The following TOGARAM1 variants were observed in gnomAD, a reference collection of about 807,000 sequenced individuals.
TOGARAM1 encodes the protein TOG array regulator of axonemal microtubules protein 1.
Under a neutral mutation model 166.6 loss-of-function variants are expected in TOGARAM1, and 100 were observed. That is an observed-to-expected ratio of 0.60 (90% CI 0.51 to 0.71). TOGARAM1 has a LOEUF of 0.71. TOGARAM1 is among the 30% of genes least tolerant of loss of function. TOGARAM1 has a pLI of 0.00. For synonymous variants in TOGARAM1, 758 were observed against 763.8 expected (o/e 0.99, Z 0.13); for missense variants, 2,029 against 2,102.7 (o/e 0.96, Z 0.69).
intron 5 of TOGARAM1, chr14:45,007,102 A>C (rs1879493222): frequency 1.3e-5 from 2 of 151,456 alleles, no homozygotes; most frequent in South Asian, 4.2e-4. Flanking sequence ...ATATAAATGC[A>C]AATACTTAAT....
At chr14:45,046,814 C>A in intron 14 of TOGARAM1, 111 bp downstream of exon 14, 1 of 916,426 alleles carries the variant, frequency 1.1e-6, no homozygotes, top group South Asian at 5.6e-5. Context: ...AAGTGGGGTC[C>A]CAGGGATTGG....
At chr14:44,969,172 C>CTTT (rs774045525) in intron 1 of TOGARAM1, among the ~76,000 whole-genome samples, 1 of 105,266 alleles carries the variant, frequency 9.5e-6, no homozygotes, top group Non-Finnish European at 2.0e-5. Context: ...TCTTTCTTTT[C>CTTT]TTTTTTTTTT....
intron 1 of TOGARAM1, among the ~76,000 whole-genome samples, chr14:44,994,897 G>A (rs1040595699): frequency 6.6e-6 from 1 of 152,112 alleles, no homozygotes; most frequent in Non-Finnish European, 1.5e-5. Flanking sequence ...ATACTGACAA[G>A]GTTTTTAGTT....
At chr14:45,023,786 G>A (rs1880666480) in intron 7 of TOGARAM1, among the ~76,000 whole-genome samples, 1 of 152,040 alleles carries the variant, frequency 6.6e-6, no homozygotes, top group African/African-American at 2.4e-5. Context: ...TGTCGCCCAG[G>A]CTGTAGTGCA....
At chr14:45,005,529 G>A (rs577976869) in intron 4 of TOGARAM1, among the ~76,000 whole-genome samples, 59 of 152,156 alleles carry the variant, frequency 3.9e-4, no homozygotes, top group Admixed American at 7.2e-4. Flanking sequence ...CGGGAGAATC[G>A]CTTGAACCCA....
At chr14:44,999,290 T>TATGAAATAAAATGTATTC (rs1887578508) in intron 2 of TOGARAM1, 73 bp from the exon 3 acceptor site, 6 of 1,416,222 alleles carry the variant, frequency 4.2e-6, no homozygotes, top group Non-Finnish European at 5.7e-6. Context: ...CACCAACATT[T>TATGAAATAAAATGTATTC]ATGAAATAAA....
chr14:45,024,932 T>TCC (rs1880740937), intron 7 of TOGARAM1, among the ~76,000 whole-genome samples: 1 of 152,204 alleles, frequency 6.6e-6, no homozygotes, highest in South Asian at 2.1e-4. Flanking sequence ...AATACATATT[T>TCC]CTCTTTTCTT....
Position 45,002,060 on chromosome 14 carries a change from A to G in TOGARAM1, c.2339-2001A>G, listed in dbSNP as rs186387496. 2.7e-3 allele frequency among the ~76,000 whole-genome samples: 418 copies of G among 152,336 alleles called. 4 individuals carry two copies. Among genetic ancestry groups the G allele is most frequent in the African/African-American group, 9.5e-3 (393 of 41,578 alleles). ...GATATACTTATTTATTTATGAAAAA[A>G]TAATGATTTGAAATTAGTAGAGAAG... On this transcript the variant is annotated intron_variant, in intron 3 of 19. Coordinates refer to ENST00000361462, the MANE Select transcript of TOGARAM1 (RefSeq NM_001308120.2).
intron 1 of TOGARAM1, among the ~76,000 whole-genome samples, chr14:44,971,024 T>G (rs1412104756): frequency 2.6e-5 from 4 of 152,272 alleles, no homozygotes; most frequent in African/African-American, 9.6e-5. Context: ...TTGTTTTTTT[T>G]CTTATAAGGT....
intron 1 of TOGARAM1, among the ~76,000 whole-genome samples, chr14:44,983,512 G>C (rs1005906770): frequency 1.5e-4 from 23 of 152,112 alleles, no homozygotes; most frequent in Non-Finnish European, 3.2e-4. Context: ...TAAGCTCCTA[G>C]GTATTGCTGA....
chr14:45,041,346 A>G (rs1881715799), intron 11 of TOGARAM1, among the ~76,000 whole-genome samples: 1 of 152,160 alleles, frequency 6.6e-6, no homozygotes, highest in Non-Finnish European at 1.5e-5. Context: ...GGTTGCAGTG[A>G]GCTGAGATCA....
Position 45,025,796 on chromosome 14 carries a change from T to C in TOGARAM1, c.3252T>C (p.Asn1084=), listed in dbSNP as rs1880803443. 2 of 1,604,808 alleles carry C rather than the reference T, an allele frequency of 1.2e-6. No homozygotes were observed. Among genetic ancestry groups the C allele is most frequent in the African/African-American group, 1.3e-5 (1 of 74,730 alleles). The stretch of plus-strand genomic sequence containing the variant: ...GGGGATTTACAGGGTCATCATCAAA[T>C]CCACAGCAAATTTCCAGTTTTGACT... The part of the protein sequence containing the change: ...EQSPSAGSSS[N]PQQISSFDFT... Residue 1084 remains asparagine (N), a synonymous_variant, in exon 8 of 20, where the codon AAT becomes AAC. Coordinates refer to ENST00000361462, the MANE Select transcript of TOGARAM1 (RefSeq NM_001308120.2).
intron 1 of TOGARAM1, among the ~76,000 whole-genome samples, chr14:44,984,550 G>T (rs1336406967): frequency 6.6e-6 from 1 of 151,778 alleles, no homozygotes; most frequent in African/African-American, 2.4e-5. Context: ...AATTTGTGAG[G>T]CTGAGGCTGG....
At chr14:45,013,157 G>T (rs567334995) in intron 7 of TOGARAM1, among the ~76,000 whole-genome samples, 44 of 152,110 alleles carry the variant, frequency 2.9e-4, no homozygotes, top group Non-Finnish European at 5.6e-4. Context: ...TGCACATACT[G>T]TTTTTTCTGG....
chr14:45,004,542 A>G (rs1799192088), intron 4 of TOGARAM1, among the ~76,000 whole-genome samples, 176 bp downstream of exon 4: 3 of 152,236 alleles, frequency 2.0e-5, no homozygotes, highest in African/African-American at 7.2e-5. Flanking sequence ...ATAAAATTCA[A>G]TTGAAATTCT....
At chr14:45,028,017 C>CTA (rs1231802255) in intron 9 of TOGARAM1, among the ~76,000 whole-genome samples, 159 bp from the exon 10 acceptor site, 1 of 151,874 alleles carries the variant, frequency 6.6e-6, no homozygotes, top group East Asian at 1.9e-4. Context: ...TTTACATGTA[C>CTA]TATATATACA....
intron 7 of TOGARAM1, among the ~76,000 whole-genome samples, chr14:45,021,990 A>G (rs149470149): frequency 0.017 from 2,604 of 152,162 alleles, 32 homozygotes; most frequent in Non-Finnish European, 0.024. Flanking sequence ...TAGTAAGGCT[A>G]TAGGCAACAG....
At chr14:45,055,764 A>G (rs1365851549) in intron 16 of TOGARAM1, among the ~76,000 whole-genome samples, 2 of 137,524 alleles carry the variant, frequency 1.5e-5, no homozygotes, top group Admixed American at 7.9e-5. Context: ...AGATCACGCC[A>G]TTGGATTCCA....
At chr14:45,014,120 A>G (rs1879977840) in intron 7 of TOGARAM1, among the ~76,000 whole-genome samples, 1 of 144,640 alleles carries the variant, frequency 6.9e-6, no homozygotes, top group East Asian at 2.0e-4. Flanking sequence ...ATCTCAGCTC[A>G]CTGCAAGCTC....
Sources: gnomAD v4.1 joint callset for allele counts (sites outside exome capture counted in the v4.1 genomes callset) on GRCh38, gnomAD v4.1.1 for gene constraint, MANE v1.5 for transcripts, NCBI Gene and HGNC (gene_info 2026-07-23, HGNC 2026-07-21) for gene names.